Variants in PLCH1 observed in about 807,000 individuals in gnomAD.
The protein encoded by PLCH1 is phospholipase C eta 1.
PLCH1 carries 60 observed loss-of-function variants against 126.7 expected under a neutral mutation model. That is an observed-to-expected ratio of 0.47 (90% CI 0.38 to 0.59). PLCH1 has a LOEUF of 0.59. PLCH1 is among the 20% of genes least tolerant of loss of function. PLCH1 has a pLI of 0.00. For synonymous variants in PLCH1, 719 were observed against 734.9 expected (o/e 0.98, Z 0.35); for missense variants, 1,723 against 2,040.0 (o/e 0.84, Z 2.99).
intron 13 of PLCH1, among the ~76,000 whole-genome samples, chr3:155,501,866 G>A (rs914007640): frequency 2.0e-5 from 3 of 152,114 alleles, no homozygotes; most frequent in African/African-American, 7.2e-5. Context: ...CCTTGCCATC[G>A]AAAATGCAGT....
intron 11 of PLCH1, among the ~76,000 whole-genome samples, chr3:155,516,169 A>C (rs1576883102): frequency 6.6e-6 from 1 of 152,356 alleles, no homozygotes; most frequent in East Asian, 1.9e-4. Flanking sequence ...TCTTAACATC[A>C]GAAGGGAACA....
At chr3:155,545,136 G>C (rs1419262903) in intron 10 of PLCH1, among the ~76,000 whole-genome samples, 28 of 151,880 alleles carry the variant, frequency 1.8e-4, no homozygotes, top group African/African-American at 6.3e-4. Flanking sequence ...TTGATAGACC[G>C]CTAGCAAGAC....
At position 155,485,440 on chromosome 3, in the gene PLCH1, G is replaced by T. The variant is rs1456253654; in HGVS notation, c.2890C>A (p.Pro964Thr). Residue 964 changes from proline to threonine, a missense_variant, in exon 22 of 23, where the codon CCT becomes ACT. Pro to Thr is a conservative substitution (Grantham distance 38). Around this residue, in one of 2 missense-constraint regions of PLCH1, gnomAD observed 947 missense variants for 977.1 expected, o/e 0.97. Coordinates refer to ENST00000460012, the MANE Select transcript of PLCH1 (RefSeq NM_014996.4). ...RSLQARPVSMPVDRNLLGALS... is the reference protein window; with the variant it reads ...RSLQARPVSMTVDRNLLGALS... ...GCTCCCAGAAGGTTTCTGTCAACAG[G>T]CATAGAGACAGGGCGTGCTTGCAAA... 6.2e-7 allele frequency: 1 copy of T among 1,613,894 alleles called. No homozygotes were observed. Among genetic ancestry groups the T allele is most frequent in the African/African-American group, 1.3e-5 (1 of 75,032 alleles).
At chr3:155,474,237 A>G (rs1404021487) in intron 21 of PLCH1, among the ~76,000 whole-genome samples, 5 of 149,098 alleles carry the variant, frequency 3.4e-5, no homozygotes, top group East Asian at 2.0e-4. Context: ...CAAGAAAAAA[A>G]CAAACAACCC....
intron 2 of PLCH1, among the ~76,000 whole-genome samples, chr3:155,686,171 AATG>A (rs1352346553): frequency 6.6e-6 from 1 of 152,174 alleles, no homozygotes; most frequent in Non-Finnish European, 1.5e-5. Flanking sequence ...ACAAGTACAC[AATG>A]ATAAAGCAAA....
In PLCH1 at chr3:155,480,039, G is replaced by C. The variant is rs1239995050; in HGVS notation, c.*929C>G. 6.6e-6 allele frequency: 1 copy of C among 152,162 alleles called. No individual in the cohort carries two copies. The highest frequency in any genetic ancestry group is 1.9e-4 in the East Asian group (1 of 5,176). The allele number at this position is 152,162 out of a possible 1,614,324, so 9.4% of individuals were successfully genotyped here. A position where few individuals can be genotyped will look rare whatever the true frequency, so the allele number is the denominator to read the frequency against. On this transcript the variant is annotated 3_prime_UTR_variant, in exon 23 of 23. Coordinates refer to ENST00000460012, the MANE Select transcript of PLCH1 (RefSeq NM_014996.4). The stretch of plus-strand genomic sequence containing the variant: ...TGCATGTCAGTACTAAAATAGAGTT[G>C]CTTGGTTCCCTGAAGGAAAAGGGTT...
rs983358986 is a variant in PLCH1 at position 155,574,701 on chromosome 3, C to T, written c.772-6377G>A. ...TAGCTACCTCTAATTCATCCTAAAA[C>T]GAAACCACACATTTCACAGCATTTG... On this transcript the variant is annotated intron_variant, in intron 6 of 22. Transcript: ENST00000460012. Among the ~76,000 whole-genome samples, 7 of 152,278 alleles carry T rather than the reference C, an allele frequency of 4.6e-5. No homozygotes were observed. In the South Asian group the frequency reaches 6.2e-4, roughly 14 times the overall value.
chr3:155,510,336 C>G (rs1420172561), intron 12 of PLCH1, among the ~76,000 whole-genome samples: 5 of 52,628 alleles, frequency 9.5e-5, no homozygotes, highest in African/African-American at 3.7e-4. Context: ...CTTTTAATTG[C>G]AGAATTTAGT....
intron 2 of PLCH1, among the ~76,000 whole-genome samples, chr3:155,627,846 C>A (rs572753686): frequency 1.0e-4 from 15 of 150,640 alleles, no homozygotes; most frequent in Non-Finnish European, 2.2e-4. Context: ...TGGCTCACTG[C>A]AACCTCCACC....
At chr3:155,742,380 G>A (rs903374105) in intron 1 of PLCH1, 1 of 152,146 alleles carries the variant, frequency 6.6e-6, no homozygotes, top group Non-Finnish European at 1.5e-5. Context: ...TTGATGATGT[G>A]GGAAAATATA....
chr3:155,586,875 T>A (rs1731447990), intron 4 of PLCH1, among the ~76,000 whole-genome samples: 1 of 152,208 alleles, frequency 6.6e-6, no homozygotes, highest in Non-Finnish European at 1.5e-5. Context: ...TGAATTACCC[T>A]CCTAATCCTC....
intron 12 of PLCH1, among the ~76,000 whole-genome samples, chr3:155,505,167 T>C (rs1718470113): frequency 6.6e-6 from 1 of 152,248 alleles, no homozygotes; most frequent in African/African-American, 2.4e-5. Context: ...AGATTGTTTT[T>C]GTTTAAAGTA....
rs149364325 is a variant in PLCH1 at position 155,639,079 on chromosome 3, G to A, written c.80-42701C>T. ...ACAGTGTAGATAACTAGTAAATATC[G>A]GTTAAATAAATGAGTAAATGAAAAA... On this transcript the variant is annotated intron_variant, in intron 2 of 22. Transcript: ENST00000460012. Among the ~76,000 whole-genome samples, 327 of 151,782 alleles carry A rather than the reference G, an allele frequency of 2.2e-3. 4 individuals carry two copies. Among genetic ancestry groups the A allele is most frequent in the African/African-American group, 6.6e-3 (272 of 41,326 alleles).
intron 2 of PLCH1, among the ~76,000 whole-genome samples, chr3:155,643,987 A>C (rs920540721): frequency 6.6e-6 from 1 of 152,220 alleles, no homozygotes; most frequent in Non-Finnish European, 1.5e-5. Context: ...GGTGAAATGC[A>C]GGCCCAGAAA....
intron 4 of PLCH1, among the ~76,000 whole-genome samples, chr3:155,589,484 C>G (rs1455048320): frequency 1.3e-5 from 2 of 151,890 alleles, no homozygotes; most frequent in East Asian, 3.9e-4. Flanking sequence ...CTCAGGAGTC[C>G]ACGCAAAAAT....
chr3:155,673,419 G>C (rs1743738772), intron 2 of PLCH1, among the ~76,000 whole-genome samples: 1 of 151,940 alleles, frequency 6.6e-6, no homozygotes. Context: ...TCTATTAATT[G>C]TACCCATTAA....
chr3:155,622,811 G>A (rs750728139), intron 2 of PLCH1, among the ~76,000 whole-genome samples: 4 of 152,200 alleles, frequency 2.6e-5, no homozygotes, highest in Non-Finnish European at 5.9e-5. Flanking sequence ...CAGAATAACA[G>A]TGGGAGACTT....
At chr3:155,516,384 A>G (rs112173225) in intron 11 of PLCH1, among the ~76,000 whole-genome samples, 3 of 152,236 alleles carry the variant, frequency 2.0e-5, no homozygotes, top group African/African-American at 7.2e-5. Flanking sequence ...GATGGAAAGA[A>G]GGGCTTTCCT....
chr3:155,637,408 A>G (rs1738865309), intron 2 of PLCH1, among the ~76,000 whole-genome samples: 1 of 152,240 alleles, frequency 6.6e-6, no homozygotes. Context: ...TTAGAAAAAC[A>G]TGGTAGGTCC....
Sources: gnomAD v4.1 joint callset for allele counts (sites outside exome capture counted in the v4.1 genomes callset) on GRCh38, gnomAD v4.1.1 for gene constraint, gnomAD v4.1.1 regional missense constraint, MANE v1.5 for transcripts, NCBI Gene and HGNC (gene_info 2026-07-23, HGNC 2026-07-21) for gene names.